The following INSC variants were observed in gnomAD, a reference collection of about 807,000 sequenced individuals.
INSC encodes protein inscuteable homolog.
Under a neutral mutation model 58.6 loss-of-function variants are expected in INSC, and 67 were observed. The ratio of observed to expected loss-of-function variants is 1.14; its 90% CI spans 0.94 to 1.40. INSC has a LOEUF of 1.40. Ranked by LOEUF, INSC falls within the 40% of genes most tolerant of loss-of-function variation. The pLI is 0.00. For missense variants in INSC, 714 were observed against 692.0 expected (o/e 1.03, Z -0.36); for synonymous variants, 262 against 276.1 (o/e 0.95, Z 0.51).
chr11:15,193,704 G>T (rs1465587949), intron 6 of INSC, among the ~76,000 whole-genome samples: 1 of 152,168 alleles, frequency 6.6e-6, no homozygotes, highest in Non-Finnish European at 1.5e-5. Flanking sequence ...ATGGACATTT[G>T]GGTTGGTTCC....
intron 2 of INSC, among the ~76,000 whole-genome samples, chr11:15,171,037 A>G (rs1564882654): frequency 6.6e-6 from 1 of 152,218 alleles, no homozygotes; most frequent in Non-Finnish European, 1.5e-5. Context: ...ACAATAACTA[A>G]GTATATACCT....
the INSC span, among the ~76,000 whole-genome samples, chr11:15,257,828 C>T: frequency 2.0e-5 from 3 of 152,148 alleles, no homozygotes; most frequent in Non-Finnish European, 4.4e-5. Flanking sequence ...GGGAGCACAG[C>T]CCTGCCCACC....
Position 15,229,999 on chromosome 11 carries a change from A to AT in INSC, c.1170+4172dup, listed in dbSNP as rs1310403738. On this transcript the variant is annotated intron_variant, in intron 9 of 12. Transcript: ENST00000379556. ...ATATATTATATATATATATATATAT[A>AT]TATATATATATATAATATATATATA... Among the ~76,000 whole-genome samples, 181 of 25,488 alleles carry AT rather than the reference A, an allele frequency of 7.1e-3. 2 individuals carry two copies. The highest frequency in any genetic ancestry group is 0.029 in the African/African-American group (172 of 6,032). 16.7% of individuals were successfully genotyped at this position (25,488 alleles called of 152,430 possible).
intron 1 of INSC, 100 bp downstream of exon 1, chr11:15,115,103 G>C: frequency 1.3e-6 from 1 of 777,036 alleles, no homozygotes; most frequent in Non-Finnish European, 1.6e-6. Flanking sequence ...GATAGTAGGT[G>C]TAAGTGTGTC....
chr11:15,111,966 G>C (rs1459229135), upstream of INSC, among the ~76,000 whole-genome samples: 2 of 152,176 alleles, frequency 1.3e-5, no homozygotes, highest in African/African-American at 4.8e-5. Flanking sequence ...TACCTATGAA[G>C]TTCTCGTATA....
At chr11:15,127,604 A>T (rs1192671937) in intron 1 of INSC, among the ~76,000 whole-genome samples, 1 of 152,166 alleles carries the variant, frequency 6.6e-6, no homozygotes, top group South Asian at 2.1e-4. Flanking sequence ...TATACTTGTG[A>T]GCAAGCTTAC....
intron 1 of INSC, among the ~76,000 whole-genome samples, chr11:15,135,485 T>C (rs1395969630): frequency 6.6e-6 from 1 of 152,242 alleles, no homozygotes; most frequent in Admixed American, 6.5e-5. Context: ...CTCTGGGATA[T>C]TCTGTTATAT....
At chr11:15,268,026 G>A in the INSC span, among the ~76,000 whole-genome samples, 9 of 152,046 alleles carry the variant, frequency 5.9e-5, no homozygotes, top group South Asian at 1.9e-3. Context: ...TCTCAATTCA[G>A]GAAGACTACC....
At chr11:15,142,853 A>C (rs1397953380) in intron 1 of INSC, among the ~76,000 whole-genome samples, 1 of 151,932 alleles carries the variant, frequency 6.6e-6, no homozygotes, top group Non-Finnish European at 1.5e-5. Flanking sequence ...TCTAGCGTAC[A>C]TGTGCACAAA....
intron 2 of INSC, among the ~76,000 whole-genome samples, chr11:15,173,750 G>A (rs563759427): frequency 1.3e-5 from 2 of 152,180 alleles, no homozygotes; most frequent in South Asian, 2.1e-4. Context: ...AATTTAAAAA[G>A]CAATTTCCTA....
rs557978824 is a variant in INSC, at chr11:15,246,922, G to A, written c.*882G>A. 6.6e-6 allele frequency: 1 copy of A among 152,274 alleles called. No homozygotes were observed. The highest frequency in any genetic ancestry group is 1.5e-5 in the Non-Finnish European group (1 of 68,044). The allele number at this position is 152,274 out of a possible 1,614,324, so 9.4% of individuals were successfully genotyped here. The stretch of plus-strand genomic sequence containing the variant: ...TCCTAACTCTGCACTCAGTGACCTT[G>A]CGTTGGTAGCCATGAGCTACTTCAT... On this transcript the variant is annotated 3_prime_UTR_variant, in exon 13 of 13. Transcript: ENST00000379556.
chr11:15,224,914 C>T (rs1357173964), intron 8 of INSC, among the ~76,000 whole-genome samples: 1 of 152,152 alleles, frequency 6.6e-6, no homozygotes, highest in Non-Finnish European at 1.5e-5. Flanking sequence ...CCAGATAACC[C>T]TTATCCTGGG....
chr11:15,242,808 TG>T (rs1852406533), intron 12 of INSC, among the ~76,000 whole-genome samples: 2 of 152,170 alleles, frequency 1.3e-5, no homozygotes, highest in African/African-American at 4.8e-5. Context: ...TCTTGGGTTT[TG>T]TTTGACCAAG....
chr11:15,177,214 G>T, intron 4 of INSC, 51 bp downstream of exon 4: 1 of 1,451,676 alleles, frequency 6.9e-7, no homozygotes, highest in South Asian at 1.1e-5. Context: ...ACCTCTGGCA[G>T]GAGAAGGGGC....
intron 12 of INSC, among the ~76,000 whole-genome samples, chr11:15,241,381 G>A (rs555051333): frequency 6.6e-6 from 1 of 152,294 alleles, no homozygotes; most frequent in East Asian, 1.9e-4. Flanking sequence ...AGCTGAGCTT[G>A]TCTCTTTTCT....
At chr11:15,158,992 C>A (rs1848919938) in intron 2 of INSC, among the ~76,000 whole-genome samples, 1 of 149,560 alleles carries the variant, frequency 6.7e-6, no homozygotes, top group Non-Finnish European at 1.5e-5. Context: ...ATGGAGAACA[C>A]CAGGAGACTA....
intron 7 of INSC, among the ~76,000 whole-genome samples, chr11:15,206,972 C>T (rs930225997): frequency 6.6e-6 from 1 of 152,120 alleles, no homozygotes; most frequent in African/African-American, 2.4e-5. Context: ...GGGGATTTTG[C>T]AATGACCATG....
chr11:15,188,136 G>A, intron 5 of INSC: 1 of 971,646 alleles, frequency 1.0e-6, no homozygotes, highest in Non-Finnish European at 1.2e-6. Context: ...TAGGGGAAGT[G>A]TGGCCTTGGC....
chr11:15,237,743 C>T (rs865944999), intron 10 of INSC, among the ~76,000 whole-genome samples: 17 of 152,134 alleles, frequency 1.1e-4, no homozygotes, highest in South Asian at 1.0e-3. Context: ...TGTAAATGGA[C>T]GAGGCGAGCT....
Sources: gnomAD v4.1 joint callset for allele counts (sites outside exome capture counted in the v4.1 genomes callset) on GRCh38, gnomAD v4.1.1 for gene constraint, MANE v1.5 for transcripts, NCBI Gene and HGNC (gene_info 2026-07-23, HGNC 2026-07-21) for gene names.